SPIDR: variants seen among roughly 807,000 people sequenced by gnomAD.
SPIDR encodes scaffold protein involved in DNA repair.
SPIDR carries 93 observed loss-of-function variants against 104.6 expected under a neutral mutation model. The ratio of observed to expected loss-of-function variants is 0.89; its 90% CI spans 0.75 to 1.06. The LOEUF (loss-of-function observed/expected upper bound fraction) is 1.06, where lower values mean the gene tolerates loss of function less well. Ranked by LOEUF, SPIDR falls within the 50% of genes least tolerant of loss-of-function variation. The pLI, the probability that SPIDR is intolerant of heterozygous loss-of-function variation, is 0.00. For missense variants in SPIDR, 1,154 were observed against 1,111.2 expected (o/e 1.04, Z -0.55); for synonymous variants, 431 against 416.9 (o/e 1.03, Z -0.41).
At chr8:47,263,677 C>T (rs1236573698) in intron 1 of SPIDR, among the ~76,000 whole-genome samples, 1 of 151,096 alleles carries the variant, frequency 6.6e-6, no homozygotes, top group East Asian at 2.0e-4. Flanking sequence ...CCAAATTATC[C>T]CAGCTATAAA....
intron 5 of SPIDR, among the ~76,000 whole-genome samples, chr8:47,312,614 A>G (rs1354750830): frequency 1.3e-5 from 2 of 151,842 alleles, no homozygotes; most frequent in African/African-American, 4.8e-5. Context: ...TAGATTCTGG[A>G]TATTAGCCCT....
At chr8:47,443,571 CAAA>C (rs782463880) in intron 8 of SPIDR, among the ~76,000 whole-genome samples, 1 of 30,132 alleles carries the variant, frequency 3.3e-5, no homozygotes, top group Non-Finnish European at 7.0e-5. Context: ...ACCCTGTCGC[CAAA>C]AAAAAAAAAA....
chr8:47,570,700 C>A (rs1022795196), intron 8 of SPIDR, among the ~76,000 whole-genome samples: 141 of 152,176 alleles, frequency 9.3e-4, no homozygotes, highest in African/African-American at 3.3e-3. Context: ...AAAATTCTTA[C>A]CACTCAGTAA....
chr8:47,413,155 G>A (rs868907336), intron 7 of SPIDR, among the ~76,000 whole-genome samples: 2 of 152,344 alleles, frequency 1.3e-5, no homozygotes, highest in Middle Eastern at 3.4e-3. Context: ...GAGGAGCATG[G>A]CACACAGGAC....
intron 8 of SPIDR, among the ~76,000 whole-genome samples, chr8:47,479,201 A>G (rs1554725458): frequency 6.6e-6 from 1 of 152,072 alleles, no homozygotes; most frequent in African/African-American, 2.4e-5. Context: ...TCTACTAAAA[A>G]TACAGAAAAT....
chr8:47,714,013 G>T (rs1048053421), intron 16 of SPIDR, among the ~76,000 whole-genome samples: 1 of 152,158 alleles, frequency 6.6e-6, no homozygotes, highest in African/African-American at 2.4e-5. Context: ...TGGGAAGAGA[G>T]CAGGACTTCG....
chr8:47,544,842 A>C (rs1448347736), intron 8 of SPIDR, among the ~76,000 whole-genome samples: 1 of 152,202 alleles, frequency 6.6e-6, no homozygotes, highest in East Asian at 1.9e-4. Context: ...TTTTATCTCC[A>C]CAAAAAAATC....
chr8:47,421,490 T>G (rs1204097860), intron 7 of SPIDR, among the ~76,000 whole-genome samples: 1 of 152,198 alleles, frequency 6.6e-6, no homozygotes, highest in East Asian at 1.9e-4. Flanking sequence ...TCTGCATTGG[T>G]TATTCTAGTT....
intron 8 of SPIDR, among the ~76,000 whole-genome samples, chr8:47,492,948 C>T (rs1375531471): frequency 6.6e-6 from 1 of 151,878 alleles, no homozygotes; most frequent in East Asian, 1.9e-4. Flanking sequence ...ATCTCAAATT[C>T]TACTTCCCAA....
chr8:47,641,874 C>G (rs1048095518), intron 10 of SPIDR, among the ~76,000 whole-genome samples: 1 of 152,228 alleles, frequency 6.6e-6, no homozygotes, highest in African/African-American at 2.4e-5. Flanking sequence ...GATGGAATAC[C>G]TGCCAGCAGC....
At chr8:47,351,650 A>G (rs2053526054) in intron 5 of SPIDR, among the ~76,000 whole-genome samples, 1 of 152,216 alleles carries the variant, frequency 6.6e-6, no homozygotes, top group African/African-American at 2.4e-5. Context: ...TCAACCATGG[A>G]CCAAAAATAT....
At chr8:47,290,142 C>T (rs1001328005) in intron 3 of SPIDR, among the ~76,000 whole-genome samples, 1 of 152,146 alleles carries the variant, frequency 6.6e-6, no homozygotes. Context: ...TGGGTTCAAG[C>T]GATTCTCCTG....
At chr8:47,630,037 A>G (rs910427343) in intron 10 of SPIDR, among the ~76,000 whole-genome samples, 1 of 152,268 alleles carries the variant, frequency 6.6e-6, no homozygotes, top group Admixed American at 6.5e-5. Context: ...ATGTATTCAT[A>G]TGTTAATTTT....
intron 5 of SPIDR, among the ~76,000 whole-genome samples, chr8:47,307,282 A>T (rs2043251296): frequency 6.8e-6 from 1 of 148,138 alleles, no homozygotes; most frequent in Non-Finnish European, 1.5e-5. Flanking sequence ...GTGCAGTGGC[A>T]TGATCTTGGC....
chr8:47,282,727 T>A lies in SPIDR; in HGVS notation c.190-1301T>A, dbSNP rs982026615. 2.4e-3 allele frequency among the ~76,000 whole-genome samples: 360 copies of A among 152,354 alleles called. 1 individual carries two copies. The highest frequency in any genetic ancestry group is 4.3e-3 in the Non-Finnish European group (294 of 68,032). The stretch of plus-strand genomic sequence containing the variant: ...TATTCACTGGAGTAGCACTTTCAAT[T>A]TCGTTCAAGAGCTTCCCTTTGTATT... On this transcript the variant is annotated intron_variant, in intron 2 of 19. Coordinates refer to ENST00000297423, the MANE Select transcript of SPIDR (RefSeq NM_001080394.4).
rs1290583178 is a variant in SPIDR, at chr8:47,736,266, C to CAA, written c.*817_*818dup. 6.6e-6 allele frequency: 1 copy of CAA among 152,246 alleles called. No homozygotes were observed. The highest frequency in any genetic ancestry group is 1.5e-5 in the Non-Finnish European group (1 of 68,078). The allele number at this position is 152,246 out of a possible 1,614,324, so 9.4% of individuals were successfully genotyped here. ...ATCAGATACACGTAGCAGCCGTGAC[C>CAA]AAGACATGGTGCCCTAATACCAAGT... On this transcript the variant is annotated 3_prime_UTR_variant, in exon 20 of 20. Coordinates refer to ENST00000297423, the MANE Select transcript of SPIDR (RefSeq NM_001080394.4).
In SPIDR at chr8:47,654,973, G is replaced by A. The variant is rs554549034; in HGVS notation, c.1545-18828G>A. Among the ~76,000 whole-genome samples the A allele has an allele frequency of 9.9e-5, 15 of 151,870 alleles. 1 individual carries two copies. Among genetic ancestry groups the A allele is most frequent in the Admixed American group, 5.9e-4 (9 of 15,244 alleles). On this transcript the variant is annotated intron_variant, in intron 10 of 19. Coordinates refer to ENST00000297423, the MANE Select transcript of SPIDR (RefSeq NM_001080394.4). Reference sequence around the variant, plus strand: ...TTCCTACCTATGAGTGAGAACATGCGGTGTTTGGTTTTCTGTCCCTGTGAT... The same window carrying A: ...TTCCTACCTATGAGTGAGAACATGCAGTGTTTGGTTTTCTGTCCCTGTGAT...
chr8:47,468,490 T>A lies in SPIDR; in HGVS notation c.1097+27948T>A, dbSNP rs147592205. 1.7e-4 allele frequency among the ~76,000 whole-genome samples: 26 copies of A among 152,258 alleles called. 1 individual carries two copies. The highest frequency in any genetic ancestry group is 6.0e-4 in the African/African-American group (25 of 41,550). ...TGCAGTAACAAAGACAGTATAGTAC[T>A]GGTACAAAAACAGACACATAGACCA... is the stretch of plus-strand genomic sequence containing the variant. On this transcript the variant is annotated intron_variant, in intron 8 of 19. Coordinates refer to ENST00000297423, the MANE Select transcript of SPIDR (RefSeq NM_001080394.4).
intron 5 of SPIDR, among the ~76,000 whole-genome samples, chr8:47,326,056 A>T (rs1301533471): frequency 6.6e-6 from 1 of 151,838 alleles, no homozygotes; most frequent in African/African-American, 2.4e-5. Flanking sequence ...CAGTGGTGTG[A>T]TCTCACAGCT....
Sources: allele counts gnomAD v4.1 joint callset (sites outside exome capture counted in the v4.1 genomes callset), GRCh38; gene constraint gnomAD v4.1.1; transcripts MANE v1.5; gene names NCBI Gene and HGNC (gene_info 2026-07-23, HGNC 2026-07-21).